The following HTRA3 variants were observed in gnomAD, a reference collection of about 807,000 sequenced individuals.
HTRA3 encodes serine protease HTRA3.
Under a neutral mutation model 43.2 loss-of-function variants are expected in HTRA3, and 41 were observed. The observed-to-expected ratio is 0.95, with a 90% CI of 0.74 to 1.23. The LOEUF is 1.23. Ranked by LOEUF, HTRA3 falls within the 50% of genes most tolerant of loss-of-function variation. The probability of loss-of-function intolerance (pLI) is 0.00; values close to 1 mark genes in which losing one functional copy is unlikely to be tolerated. For synonymous variants in HTRA3, 295 were observed against 287.9 expected (o/e 1.02, Z -0.25); for missense variants, 628 against 647.1 (o/e 0.97, Z 0.32).
At chr4:8,288,896 TCCG>T (rs1480264768) in intron 3 of HTRA3, among the ~76,000 whole-genome samples, 11,411 of 101,860 alleles carry the variant, frequency 0.11, 1,530 homozygotes, top group East Asian at 0.4. Context: ...CTTCCTTCCG[TCCG>T]TCCTTCCTTC....
At chr4:8,282,293 G>A (rs539141777) in intron 1 of HTRA3, 144 bp from the exon 2 acceptor site, 360 of 658,880 alleles carry the variant, frequency 5.5e-4, no homozygotes, top group South Asian at 2.3e-3. Flanking sequence ...GGTCCCCAAC[G>A]GGCTCAGTGT....
rs907711882 is a variant in HTRA3, at chr4:8,302,600, G to C, written c.1100+89G>C. 5 of 1,362,130 alleles carry C rather than the reference G, an allele frequency of 3.7e-6. 1 individual carries two copies. In the African/African-American group the frequency reaches 5.7e-5, roughly 16 times the overall value. 84.4% of individuals were successfully genotyped at this position (1,362,130 alleles called of 1,614,324 possible). A position where few individuals can be genotyped will look rare whatever the true frequency, so the allele number is the denominator to read the frequency against. On this transcript the variant is annotated intron_variant, in intron 7 of 8. Coordinates refer to ENST00000307358, the MANE Select transcript of HTRA3 (RefSeq NM_053044.5). ...CTCCAGACCCTGGCTGGCTGTGTTCGGCTCCTTGCAGGTGCCCAGACGGGC... is the reference window on the plus strand; with the variant it reads ...CTCCAGACCCTGGCTGGCTGTGTTCCGCTCCTTGCAGGTGCCCAGACGGGC...
chr4:8,301,389 C>A (rs1380773420), intron 6 of HTRA3, among the ~76,000 whole-genome samples: 1 of 151,762 alleles, frequency 6.6e-6, no homozygotes, highest in Non-Finnish European at 1.5e-5. Flanking sequence ...TTTTCACTAT[C>A]AGGTTTATTA....
At chr4:8,285,625 G>T (rs7685824) in intron 2 of HTRA3, among the ~76,000 whole-genome samples, 92,549 of 152,148 alleles carry the variant, frequency 0.61, 28,747 homozygotes, top group East Asian at 0.83. Context: ...CCTGGAGAAG[G>T]TCCCAGGCTG....
At position 8,295,905 on chromosome 4, in the gene HTRA3, C is replaced by T. The variant is rs906241491; in HGVS notation, c.1051+1704C>T. 3.2e-6 allele frequency: 4 copies of T among 1,232,784 alleles called. No homozygotes were observed. Among genetic ancestry groups the T allele is most frequent in the Non-Finnish European group, 1.0e-6 (1 of 987,626 alleles). The allele number at this position is 1,232,784 out of a possible 1,614,324, so 76.4% of individuals were successfully genotyped here. ...TGGAGCCAGGCAGAGCCTGTCTTTC[C>T]CAAAGAAGCTGAAGTCTTCTTCTCT... is the stretch of plus-strand genomic sequence containing the variant. On this transcript the variant is annotated intron_variant, in intron 6 of 8. Transcript: ENST00000307358. The surrounding 1 kb of genome is among the most constrained non-coding windows in gnomAD (Gnocchi z 6.9).
chr4:8,304,220 C>G lies in HTRA3; in HGVS notation c.1137C>G (p.Phe379Leu). The change falls in exon 8 of 9, where the codon TTC becomes TTG. Residue 379 changes from phenylalanine (F) to leucine (L), a missense_variant. Physicochemically the swap from Phe to Leu is conservative, Grantham distance 22. Coordinates refer to ENST00000307358, the MANE Select transcript of HTRA3 (RefSeq NM_053044.5). ...VDELKASNPD[F>L]PEVSSGIYVQ... is the part of the protein sequence containing the mutation. ...AGCTGAAGGCCAGCAACCCGGACTT[C>G]CCAGAGGTCAGCAGTGGAATTTATG... is the stretch of plus-strand genomic sequence containing the variant. The G allele has an allele frequency of 6.2e-7, 1 of 1,614,162 alleles. No homozygotes were observed. Among genetic ancestry groups the G allele is most frequent in the South Asian group, 1.1e-5 (1 of 91,074 alleles).
At chr4:8,272,546 C>T (rs1712327323) in intron 1 of HTRA3, among the ~76,000 whole-genome samples, 1 of 152,262 alleles carries the variant, frequency 6.6e-6, no homozygotes, top group South Asian at 2.1e-4. Flanking sequence ...TGCTGCCAGA[C>T]ACGAAGGCAC....
At chr4:8,277,041 G>T (rs1712556784) in intron 1 of HTRA3, among the ~76,000 whole-genome samples, 1 of 152,254 alleles carries the variant, frequency 6.6e-6, no homozygotes, top group Non-Finnish European at 1.5e-5. Context: ...GGGGGAGGCA[G>T]CGGGTTCCTC....
At chr4:8,273,356 G>A (rs1036282600) in intron 1 of HTRA3, among the ~76,000 whole-genome samples, 1 of 152,166 alleles carries the variant, frequency 6.6e-6, no homozygotes, top group African/African-American at 2.4e-5. Context: ...ACACTTAGTG[G>A]TGTGCCAGGC....
At chr4:8,300,775 C>A (rs1300724796) in intron 6 of HTRA3, among the ~76,000 whole-genome samples, 2 of 152,054 alleles carry the variant, frequency 1.3e-5, no homozygotes, top group Non-Finnish European at 2.9e-5. Context: ...ATTATGGATT[C>A]ACACTCATCT....
At chr4:8,284,361 A>C (rs1712876666) in intron 2 of HTRA3, among the ~76,000 whole-genome samples, 1 of 152,364 alleles carries the variant, frequency 6.6e-6, no homozygotes, top group East Asian at 1.9e-4. Flanking sequence ...CCCAGCCACC[A>C]GGCTCTGAAC....
In HTRA3 at chr4:8,306,207, GA is replaced by G; in HGVS notation, c.*72del. The G allele has an allele frequency of 6.8e-7, 1 of 1,462,296 alleles. No homozygotes were observed. The highest frequency in any genetic ancestry group is 2.5e-4 in the Middle Eastern group (1 of 4,012). The allele number at this position is 1,462,296 out of a possible 1,614,324, so 90.6% of individuals were successfully genotyped here. A position where few individuals can be genotyped will look rare whatever the true frequency, so the allele number is the denominator to read the frequency against. On this transcript the variant is annotated 3_prime_UTR_variant, in exon 9 of 9. Transcript: ENST00000307358. The surrounding 1 kb of genome is among the most constrained non-coding windows in gnomAD (Gnocchi z 8.9). ...GAGGGCAGCGCCCCCCCGAGATCAG[GA>G]CGAAGGACCACCGTCGGTCCTCAGC...
At position 8,279,545 on chromosome 4, in the gene HTRA3, G is replaced by A. The variant is rs1321746176; in HGVS notation, c.386-2892G>A. 6.6e-6 allele frequency among the ~76,000 whole-genome samples: 1 copy of A among 152,120 alleles called. No homozygotes were observed. Among genetic ancestry groups the A allele is most frequent in the Non-Finnish European group, 1.5e-5 (1 of 68,028 alleles). On this transcript the variant is annotated intron_variant, in intron 1 of 8. Transcript: ENST00000307358. The surrounding 1 kb of genome is among the most constrained non-coding windows in gnomAD (Gnocchi z 7.4). ...CCAGGGGCTGGGCTTTGGCAAGCAGGGGGTGGACACGTTGGGGTCCAGAGA... is the reference window on the plus strand; with the variant it reads ...CCAGGGGCTGGGCTTTGGCAAGCAGAGGGTGGACACGTTGGGGTCCAGAGA...
intron 6 of HTRA3, among the ~76,000 whole-genome samples, chr4:8,294,432 A>G (rs1471678318): frequency 6.6e-6 from 1 of 151,666 alleles, no homozygotes; most frequent in East Asian, 2.0e-4. Flanking sequence ...GATCGGCTTC[A>G]TCCCCTGCCC....
intron 8 of HTRA3, among the ~76,000 whole-genome samples, chr4:8,304,772 C>T (rs1446745253): frequency 6.7e-6 from 1 of 149,738 alleles, no homozygotes; most frequent in Non-Finnish European, 1.5e-5. Context: ...TCTCCTGCCT[C>T]AGCCTTCTGA....
At position 8,295,109 on chromosome 4, in the gene HTRA3, A is replaced by C. The variant is rs1578804255; in HGVS notation, c.1051+908A>C. Among the ~76,000 whole-genome samples the C allele has an allele frequency of 6.9e-6, 1 of 144,610 alleles. No homozygotes were observed. Among genetic ancestry groups the C allele is most frequent in the South Asian group, 2.2e-4 (1 of 4,508 alleles). The allele number at this position is 144,610 out of a possible 152,430, so 94.9% of individuals were successfully genotyped here. On this transcript the variant is annotated intron_variant, in intron 6 of 8. Transcript: ENST00000307358. This position sits in a 1 kb window ranked among gnomAD's most constrained non-coding sequence, Gnocchi z 6.9. ...TTTTTTTCCTTCTCTCCTTCCTTCCACCCATCCACCCACCCACTCATTCAC... is the reference window on the plus strand; with the variant it reads ...TTTTTTTCCTTCTCTCCTTCCTTCCCCCCATCCACCCACCCACTCATTCAC...
intron 3 of HTRA3, among the ~76,000 whole-genome samples, chr4:8,291,001 T>C (rs1199427699): frequency 6.6e-6 from 1 of 152,204 alleles, no homozygotes; most frequent in Admixed American, 6.5e-5. Flanking sequence ...TATGGTGTAG[T>C]AGTTTTTACC....
intron 3 of HTRA3, among the ~76,000 whole-genome samples, chr4:8,288,082 C>G (rs534945915): frequency 3.3e-5 from 5 of 152,210 alleles, no homozygotes; most frequent in Non-Finnish European, 4.4e-5. Flanking sequence ...GTGATGAAAT[C>G]TTTTGCAAGG....
In HTRA3 at chr4:8,306,133, G is replaced by A; in HGVS notation, c.1359G>A (p.Met453Ile). Residue 453 changes from methionine to isoleucine, a missense_variant, in exon 9 of 9, where the codon ATG (methionine) becomes ATA (isoleucine). Met to Ile is a conservative substitution (Grantham distance 10). Coordinates refer to ENST00000307358, the MANE Select transcript of HTRA3 (RefSeq NM_053044.5). The surrounding 1 kb of genome is among the most constrained non-coding windows in gnomAD (Gnocchi z 8.9). ...TCAGCATCGCACCTGAGGTGGTCATGTGAGGGGCGCATTCCTCCAGCGCCA... is the reference window on the plus strand; with the variant it reads ...TCAGCATCGCACCTGAGGTGGTCATATGAGGGGCGCATTCCTCCAGCGCCA... ...LLFSIAPEVV[M>I] The A allele has an allele frequency of 6.4e-7, 1 of 1,573,902 alleles. No individual in the cohort carries two copies. The highest frequency in any genetic ancestry group is 8.7e-7 in the Non-Finnish European group (1 of 1,155,290).
Sources: allele counts gnomAD v4.1 joint callset (sites outside exome capture counted in the v4.1 genomes callset), GRCh38; gene constraint gnomAD v4.1.1; non-coding constraint Gnocchi (gnomAD v3.1); transcripts MANE v1.5; gene names NCBI Gene and HGNC (gene_info 2026-07-23, HGNC 2026-07-21).